Variants in HDAC2 observed in about 807,000 individuals in gnomAD.
HDAC2 encodes the protein YY1-associated factor 1.
HDAC2 carries 5 observed loss-of-function variants against 68.5 expected under a neutral mutation model. The observed-to-expected ratio is 0.07, with a 90% CI of 0.04 to 0.15. The LOEUF is 0.15. HDAC2 is among the 10% of genes least tolerant of loss of function. The pLI is 1.00. For missense variants in HDAC2, 291 were observed against 600.8 expected (o/e 0.48, Z 5.39); for synonymous variants, 182 against 191.3 (o/e 0.95, Z 0.40).
At chr6:113,967,118 G>A (rs1211386360) in intron 1 of HDAC2, among the ~76,000 whole-genome samples, 2 of 152,170 alleles carry the variant, frequency 1.3e-5, no homozygotes, top group Non-Finnish European at 2.9e-5. Flanking sequence ...TGCTGAAGAA[G>A]GAGTACGTTG....
chr6:113,970,749 GTCCC>G, intron 1 of HDAC2, 104 bp downstream of exon 1: 1 of 1,423,308 alleles, frequency 7.0e-7, no homozygotes, highest in Non-Finnish European at 9.1e-7. Flanking sequence ...CCAAATGTCG[GTCCC>G]TCCTCCTTCC....
intron 5 of HDAC2, 159 bp downstream of exon 5, chr6:113,955,854 G>A: frequency 1.7e-6 from 1 of 574,986 alleles, no homozygotes; most frequent in Non-Finnish European, 2.9e-6. Context: ...CAAATTTCCT[G>A]CATTTCTTCA....
At chr6:113,941,165 G>A (rs926628249) in intron 13 of HDAC2, 77 bp from the exon 14 acceptor site, 1 of 1,027,576 alleles carries the variant, frequency 9.7e-7, no homozygotes, top group Non-Finnish European at 1.5e-6. Context: ...ATATTGATCA[G>A]GTCCTGTAGG....
intron 5 of HDAC2, among the ~76,000 whole-genome samples, chr6:113,953,970 G>A (rs1776484698): frequency 6.6e-6 from 1 of 152,226 alleles, no homozygotes; most frequent in South Asian, 2.1e-4. Flanking sequence ...AGACAGCCAT[G>A]CTCAATTGTT....
rs1285296158 is a variant in HDAC2 at position 113,941,730 on chromosome 6, C to T, written c.1414G>A (p.Gly472Ser). 2 of 1,448,692 alleles carry T rather than the reference C, an allele frequency of 1.4e-6. No individual in the cohort carries two copies. The allele number at this position is 1,448,692 out of a possible 1,614,324, so 89.7% of individuals were successfully genotyped here. A position where few individuals can be genotyped will look rare whatever the true frequency, so the allele number is the denominator to read the frequency against. ...TACCCTTTGGTATCTGTTTTTTCAC[C>T]ACTGTTGTCCTTGGATTTATCTTCT... ...KEEDKSKDNS[G>S]EKTDTKGTKS... Residue 472 changes from glycine to serine, a missense_variant, in exon 13 of 14, where the codon GGT becomes AGT. Gly to Ser is a moderately conservative substitution (Grantham distance 56). Coordinates refer to ENST00000519065, the MANE Select transcript of HDAC2 (RefSeq NM_001527.4).
At chr6:113,970,810 A>G (rs1429652136) in intron 1 of HDAC2, 47 bp downstream of exon 1, 1 of 1,489,704 alleles carries the variant, frequency 6.7e-7, no homozygotes, top group South Asian at 1.3e-5. Flanking sequence ...CGCGGAACCC[A>G]GCGCCCGGCC....
intron 7 of HDAC2, 38 bp downstream of exon 7, chr6:113,949,130 T>C: frequency 6.2e-7 from 1 of 1,604,300 alleles, no homozygotes; most frequent in Non-Finnish European, 8.5e-7. Flanking sequence ...AATAACATTC[T>C]GAAATTCCAT....
rs1490130019 is a variant in HDAC2 at position 113,937,982 on chromosome 6, C to T, written c.*3076G>A. The T allele has an allele frequency of 6.6e-6, 1 of 152,180 alleles. No homozygotes were observed. Among genetic ancestry groups the T allele is most frequent in the African/African-American group, 2.4e-5 (1 of 41,410 alleles). The allele number at this position is 152,180 out of a possible 1,614,324, so 9.4% of individuals were successfully genotyped here. ...CCAACATAGTGAAACCCCGTCTCTA[C>T]TAAAAATGCGAACAATTAGCTGGGC... On this transcript the variant is annotated 3_prime_UTR_variant, in exon 14 of 14. Transcript: ENST00000519065.
chr6:113,964,578 C>A (rs2114618976), intron 1 of HDAC2, among the ~76,000 whole-genome samples: 1 of 152,278 alleles, frequency 6.6e-6, no homozygotes, highest in East Asian at 1.9e-4. Flanking sequence ...AACAATAGTT[C>A]TGCCCTAAAT....
In HDAC2 at chr6:113,970,956, T is replaced by A. The variant is rs761884760; in HGVS notation, c.-48A>T. On this transcript the variant is annotated 5_prime_UTR_variant, in exon 1 of 14. Transcript: ENST00000519065. ...ACCGGGCTCCTCCTCCTGCTGCTGC[T>A]GCTGCTGCTGCTGCCGCCGCGGCTC... is the stretch of plus-strand genomic sequence containing the variant. 2 of 1,560,622 alleles carry A rather than the reference T, an allele frequency of 1.3e-6. No homozygotes were observed. The highest frequency in any genetic ancestry group is 1.7e-6 in the Non-Finnish European group (2 of 1,152,276).
intron 13 of HDAC2, 36 bp downstream of exon 13, chr6:113,941,672 G>C (rs777589714): frequency 4.9e-6 from 4 of 819,268 alleles, no homozygotes; most frequent in South Asian, 4.0e-5. Context: ...TATTTTTATA[G>C]TATGTAAAAA....
At chr6:113,953,068 GAGAAA>G (rs1392207161) in intron 6 of HDAC2, among the ~76,000 whole-genome samples, 1 of 152,164 alleles carries the variant, frequency 6.6e-6, no homozygotes, top group African/African-American at 2.4e-5. Context: ...GAAAACAGCT[GAGAAA>G]AAAACTGTCC....
chr6:113,941,153 T>TTA (rs2114585749), intron 13 of HDAC2, 65 bp from the exon 14 acceptor site: 1 of 1,221,028 alleles, frequency 8.2e-7, no homozygotes, highest in South Asian at 1.3e-5. Context: ...CACTGACCTA[T>TTA]TATATTGATC....
Position 113,959,892 on chromosome 6 carries a change from A to G in HDAC2, c.165+14T>C. 1 of 1,074,460 alleles carries G rather than the reference A, an allele frequency of 9.3e-7. No homozygotes were observed. The highest frequency in any genetic ancestry group is 1.4e-6 in the Non-Finnish European group (1 of 699,624). 66.6% of individuals were successfully genotyped at this position (1,074,460 alleles called of 1,614,324 possible). On this transcript the variant is annotated intron_variant, in intron 2 of 13. Transcript: ENST00000519065. ...AAAGATCAGTGCTGAATATGTATTA[A>G]AAGGAATACTCACATATATTTCCAT...
At chr6:113,947,952 T>C (rs972118521) in intron 8 of HDAC2, 1 of 152,168 alleles carries the variant, frequency 6.6e-6, no homozygotes, top group East Asian at 1.9e-4. Context: ...GTCAACTTGC[T>C]ACCTAAAAGT....
intron 12 of HDAC2, among the ~76,000 whole-genome samples, chr6:113,942,832 T>C (rs1184379043): frequency 6.6e-6 from 1 of 152,160 alleles, no homozygotes; most frequent in Non-Finnish European, 1.5e-5. Flanking sequence ...AAGTATTTTT[T>C]CCTCCCTAAC....
chr6:113,942,654 G>A (rs1272687887), intron 12 of HDAC2, among the ~76,000 whole-genome samples: 2 of 152,122 alleles, frequency 1.3e-5, no homozygotes, highest in African/African-American at 2.4e-5. Flanking sequence ...GAGCAGCTCA[G>A]TCTAGTAGGG....
intron 11 of HDAC2, among the ~76,000 whole-genome samples, chr6:113,943,807 T>G (rs1420145266): frequency 6.6e-6 from 1 of 152,152 alleles, no homozygotes; most frequent in East Asian, 1.9e-4. Context: ...ATGGGAATAA[T>G]GTCATTACTT....
intron 12 of HDAC2, among the ~76,000 whole-genome samples, chr6:113,942,408 TTATAGA>T (rs1226484219): frequency 2.0e-5 from 3 of 147,228 alleles, no homozygotes; most frequent in African/African-American, 7.6e-5. Flanking sequence ...GTGTCAGATG[TTATAGA>T]TTACTAACTC....
Sources: gnomAD v4.1 joint callset for allele counts (sites outside exome capture counted in the v4.1 genomes callset) on GRCh38, gnomAD v4.1.1 for gene constraint, MANE v1.5 for transcripts, NCBI Gene and HGNC (gene_info 2026-07-23, HGNC 2026-07-21) for gene names.